Variants in TENM4 observed in about 807,000 individuals in gnomAD.
TENM4 encodes teneurin transmembrane protein 4.
Under a neutral mutation model 243.3 loss-of-function variants are expected in TENM4, and 82 were observed. That is an observed-to-expected ratio of 0.34 (90% CI 0.28 to 0.40). The LOEUF is 0.40. Ranked by LOEUF, TENM4 falls within the 10% of genes least tolerant of loss-of-function variation. TENM4 has a pLI of 1.00. For missense variants in TENM4, 3,138 were observed against 3,673.3 expected (o/e 0.85, Z 3.77); for synonymous variants, 1,412 against 1,456.3 (o/e 0.97, Z 0.69).
chr11:78,998,645 C>T (rs144696094), intron 6 of TENM4, among the ~76,000 whole-genome samples: 29 of 152,106 alleles, frequency 1.9e-4, no homozygotes, highest in Admixed American at 5.2e-4. Context: ...CCTTGGCCAG[C>T]ACAGTTCTGC....
chr11:79,046,171 T>G (rs904350469), intron 6 of TENM4, among the ~76,000 whole-genome samples: 1 of 152,152 alleles, frequency 6.6e-6, no homozygotes, highest in Non-Finnish European at 1.5e-5. Context: ...AGAAGGGGCT[T>G]AAGATTGTGT....
At position 79,438,541 on chromosome 11, in the gene TENM4, G is replaced by A. The variant is rs1859327305; in HGVS notation, c.-321+1968C>T. On this transcript the variant is annotated intron_variant, in intron 1 of 33. Transcript: ENST00000278550. This position sits in a 1 kb window ranked among gnomAD's most constrained non-coding sequence, Gnocchi z 4.1. ...CTACTCCCTCTAACCCCTCGCCAGC[G>A]TGGGCCTGGATGGCTGGGCTGCCTG... 6.6e-6 allele frequency among the ~76,000 whole-genome samples: 1 copy of A among 152,182 alleles called. No homozygotes were observed. The highest frequency in any genetic ancestry group is 1.5e-5 in the Non-Finnish European group (1 of 68,038).
intron 7 of TENM4, among the ~76,000 whole-genome samples, chr11:78,900,120 C>A (rs1409632028): frequency 6.6e-6 from 1 of 152,198 alleles, no homozygotes; most frequent in Non-Finnish European, 1.5e-5. Context: ...GATGAATAGC[C>A]TAGCTGAGCT....
chr11:78,853,358 C>T (rs1858590221), intron 12 of TENM4, among the ~76,000 whole-genome samples: 2 of 152,180 alleles, frequency 1.3e-5, no homozygotes, highest in Non-Finnish European at 2.9e-5. Flanking sequence ...AAGAAGCAGA[C>T]ACATTCTGTG....
At chr11:79,372,135 A>G (rs1355966539) in intron 1 of TENM4, among the ~76,000 whole-genome samples, 1 of 152,068 alleles carries the variant, frequency 6.6e-6, no homozygotes, top group East Asian at 1.9e-4. Context: ...AGAAAGATTG[A>G]CTTTTGTATC....
Position 79,118,818 on chromosome 11 carries a change from A to C in TENM4, c.-66+29892T>G, listed in dbSNP as rs189005511. Among the ~76,000 whole-genome samples, 5 of 152,294 alleles carry C rather than the reference A, an allele frequency of 3.3e-5. No homozygotes were observed. In the East Asian group the frequency reaches 9.7e-4, roughly 29 times the overall value. On this transcript the variant is annotated intron_variant, in intron 4 of 33. Transcript: ENST00000278550. ...TCCATTCATCTGCCAATGGATACCC[A>C]GGTGGTTTGCACCTTTTTTGGCTAT...
At chr11:79,055,298 G>A (rs925071857) in intron 6 of TENM4, among the ~76,000 whole-genome samples, 2 of 151,918 alleles carry the variant, frequency 1.3e-5, no homozygotes, top group Non-Finnish European at 2.9e-5. Context: ...CTGGTGTGCG[G>A]TGGCATGATC....
intron 2 of TENM4, chr11:79,269,526 GC>G (rs1295062939): frequency 6.6e-6 from 1 of 152,318 alleles, no homozygotes; most frequent in Non-Finnish European, 1.5e-5. Flanking sequence ...GATGAGAGCA[GC>G]ATCTTCCAGG....
intron 12 of TENM4, among the ~76,000 whole-genome samples, chr11:78,846,482 G>A (rs1165846865): frequency 6.6e-6 from 1 of 152,138 alleles, no homozygotes; most frequent in Admixed American, 6.5e-5. Context: ...ATGAACAGAT[G>A]CAGTGTCTAG....
At chr11:78,710,761 C>A (rs971153327) in intron 26 of TENM4, among the ~76,000 whole-genome samples, 16 of 152,176 alleles carry the variant, frequency 1.1e-4, no homozygotes, top group African/African-American at 3.9e-4. Context: ...AAAGTGCCTG[C>A]ATATCGTGGC....
intron 1 of TENM4, among the ~76,000 whole-genome samples, chr11:79,410,809 C>T (rs1858683437): frequency 6.6e-6 from 1 of 152,152 alleles, no homozygotes; most frequent in Admixed American, 6.5e-5. Flanking sequence ...GTGTGAGTTT[C>T]TTGCTTGCCC....
At chr11:79,102,244 G>A (rs1346397221) in intron 4 of TENM4, among the ~76,000 whole-genome samples, 1 of 152,198 alleles carries the variant, frequency 6.6e-6, no homozygotes, top group Non-Finnish European at 1.5e-5. Flanking sequence ...AAAATAAACA[G>A]AAGGAATAGG....
At chr11:78,865,146 T>C (rs1486871296) in intron 9 of TENM4, among the ~76,000 whole-genome samples, 1 of 152,232 alleles carries the variant, frequency 6.6e-6, no homozygotes. Flanking sequence ...CTATTATTTA[T>C]TGAGTACTTA....
chr11:78,817,384 G>A (rs928607652), intron 12 of TENM4, among the ~76,000 whole-genome samples: 7 of 152,206 alleles, frequency 4.6e-5, no homozygotes, highest in Non-Finnish European at 8.8e-5. Flanking sequence ...GCTAACACAA[G>A]CAGTGCTTTA....
chr11:79,423,535 A>ATTTTTT (rs67697266), intron 1 of TENM4, among the ~76,000 whole-genome samples: 12 of 114,128 alleles, frequency 1.1e-4, no homozygotes, highest in East Asian at 2.8e-4. Flanking sequence ...TTACAAGTGC[A>ATTTTTT]TTTTTTTTTT....
chr11:79,138,489 AT>A (rs1862166162), intron 4 of TENM4, among the ~76,000 whole-genome samples: 1 of 119,150 alleles, frequency 8.4e-6, no homozygotes, highest in African/African-American at 3.4e-5. Flanking sequence ...AATAATATAT[AT>A]TTATACATAA....
chr11:78,671,285 G>GTC (rs10701077), intron 31 of TENM4, among the ~76,000 whole-genome samples: 96,309 of 151,126 alleles, frequency 0.64, 31,576 homozygotes, highest in Non-Finnish European at 0.69. Flanking sequence ...GACCTCCAAG[G>GTC]TCTCTCTCTC....
intron 5 of TENM4, among the ~76,000 whole-genome samples, chr11:79,069,278 C>G (rs948649758): frequency 7.2e-5 from 11 of 152,106 alleles, no homozygotes; most frequent in Non-Finnish European, 1.0e-4. Flanking sequence ...GAATGAACAG[C>G]AAAACTAGGA....
intron 4 of TENM4, among the ~76,000 whole-genome samples, chr11:79,137,755 T>C (rs915016864): frequency 2.6e-5 from 4 of 152,172 alleles, no homozygotes; most frequent in Admixed American, 2.6e-4. Context: ...ATTTAAGTGT[T>C]GTTAACTTTA....
Sources: allele counts gnomAD v4.1 joint callset (sites outside exome capture counted in the v4.1 genomes callset), GRCh38; gene constraint gnomAD v4.1.1; non-coding constraint Gnocchi (gnomAD v3.1); transcripts MANE v1.5; gene names NCBI Gene and HGNC (gene_info 2026-07-23, HGNC 2026-07-21).